The following PDE3A variants were observed in gnomAD, a reference collection of about 807,000 sequenced individuals.
The protein encoded by PDE3A is phosphodiesterase 3A.
In PDE3A, 43 loss-of-function variants were observed where a neutral mutation model predicts 98.3. That is an observed-to-expected ratio of 0.44 (90% CI 0.34 to 0.56). The LOEUF (loss-of-function observed/expected upper bound fraction) is 0.56. Among genes scored for constraint, PDE3A ranks in the 20% least tolerant of loss-of-function variants. The pLI is 0.01. For missense variants in PDE3A, 1,427 were observed against 1,440.7 expected, an observed-to-expected ratio of 0.99 and a Z score of 0.15; for synonymous variants, 663 against 567.9, an observed-to-expected ratio of 1.17 and a Z score of -2.38.
intron 1 of PDE3A, among the ~76,000 whole-genome samples, chr12:20,490,554 C>G (rs1945809587): frequency 6.6e-6 from 1 of 152,122 alleles, no homozygotes; most frequent in African/African-American, 2.4e-5. Context: ...AATCATGAGG[C>G]TGAGGTGCAA....
At chr12:20,446,666 A>G (rs1944960210) in intron 1 of PDE3A, among the ~76,000 whole-genome samples, 1 of 152,178 alleles carries the variant, frequency 6.6e-6, no homozygotes, top group Non-Finnish European at 1.5e-5. Context: ...AATTCCAGTT[A>G]ACAATAGGTA....
chr12:20,376,656 G>A (rs1003057860), intron 1 of PDE3A, among the ~76,000 whole-genome samples: 2 of 151,742 alleles, frequency 1.3e-5, no homozygotes, highest in African/African-American at 4.8e-5. Context: ...GTTTATTTTT[G>A]TATGTTCAGG....
intron 10 of PDE3A, among the ~76,000 whole-genome samples, chr12:20,645,421 C>T (rs1215488673): frequency 6.6e-6 from 1 of 152,126 alleles, no homozygotes; most frequent in African/African-American, 2.4e-5. Context: ...CTCATATTCT[C>T]ATTGTCATTC....
At chr12:20,493,358 C>G (rs1031697250) in intron 1 of PDE3A, among the ~76,000 whole-genome samples, 2 of 151,872 alleles carry the variant, frequency 1.3e-5, no homozygotes, top group South Asian at 4.2e-4. Flanking sequence ...AATAACAGTA[C>G]AACAATAAAA....
intron 2 of PDE3A, among the ~76,000 whole-genome samples, chr12:20,607,509 T>C (rs1217927423): frequency 6.6e-6 from 1 of 152,042 alleles, no homozygotes; most frequent in Non-Finnish European, 1.5e-5. Context: ...TATCAGTTAT[T>C]TTTGGCTTGA....
At position 20,680,292 on chromosome 12, in the gene PDE3A, G is replaced by A; in HGVS notation, c.*21G>A. The A allele has an allele frequency of 3.1e-6, 5 of 1,611,512 alleles. No individual in the cohort carries two copies. The highest frequency in any genetic ancestry group is 2.2e-5 in the South Asian group (2 of 90,798). On this transcript the variant is annotated 3_prime_UTR_variant, in exon 16 of 16. Transcript: ENST00000359062. ...AGTGACAATGGATAGAATGGGCTGT[G>A]TTTCCAAACAGATTGACTTGTCAAA...
chr12:20,550,546 G>A (rs1403425368), intron 1 of PDE3A, among the ~76,000 whole-genome samples: 1 of 151,922 alleles, frequency 6.6e-6, no homozygotes, highest in Non-Finnish European at 1.5e-5. Context: ...TTTTTGAGAT[G>A]ATATAATGCC....
chr12:20,526,260 G>A (rs1435195284), intron 1 of PDE3A, among the ~76,000 whole-genome samples: 1 of 151,988 alleles, frequency 6.6e-6, no homozygotes, highest in Non-Finnish European at 1.5e-5. Flanking sequence ...TTATTTTCAA[G>A]TTGACTTCTA....
intron 1 of PDE3A, among the ~76,000 whole-genome samples, chr12:20,413,866 G>A (rs1944376132): frequency 6.6e-6 from 1 of 152,276 alleles, no homozygotes; most frequent in Non-Finnish European, 1.5e-5. Context: ...TTTGACCAGT[G>A]TGATGGTACG....
At chr12:20,377,564 C>G (rs1943594542) in intron 1 of PDE3A, among the ~76,000 whole-genome samples, 2 of 151,612 alleles carry the variant, frequency 1.3e-5, no homozygotes, top group Admixed American at 1.3e-4. Context: ...ATTTGAGATA[C>G]TAATGTCACC....
Position 20,552,495 on chromosome 12 carries a change from G to C in PDE3A, c.961-4165G>C, listed in dbSNP as rs1490780065. On this transcript the variant is annotated intron_variant, in intron 1 of 15. Coordinates refer to ENST00000359062, the MANE Select transcript of PDE3A (RefSeq NM_000921.5). The surrounding 1 kb of genome is among the most constrained non-coding windows in gnomAD (Gnocchi z 5.1). ...CCCTGGCCAACCGAGAGCGAGAGAA[G>C]GAGAACAGCAAGAGGGAGGAGGAGG... 6.2e-7 allele frequency: 1 copy of C among 1,613,066 alleles called. No homozygotes were observed. The highest frequency in any genetic ancestry group is 1.3e-5 in the African/African-American group (1 of 74,890).
intron 1 of PDE3A, among the ~76,000 whole-genome samples, chr12:20,389,755 A>G (rs1943879915): frequency 6.6e-6 from 1 of 151,948 alleles, no homozygotes; most frequent in Admixed American, 6.6e-5. Flanking sequence ...TGCCCTCCAG[A>G]AAGGTCATAG....
At chr12:20,558,588 A>G (rs1204258588) in intron 2 of PDE3A, among the ~76,000 whole-genome samples, 1 of 151,844 alleles carries the variant, frequency 6.6e-6, no homozygotes, top group Non-Finnish European at 1.5e-5. Context: ...CATAGCAAAA[A>G]ACATTAAAAA....
chr12:20,665,459 G>A (rs952488780), intron 15 of PDE3A, among the ~76,000 whole-genome samples: 8 of 152,142 alleles, frequency 5.3e-5, no homozygotes, highest in African/African-American at 1.2e-4. Context: ...CAAAGAAAAT[G>A]TAATGTATTT....
intron 1 of PDE3A, among the ~76,000 whole-genome samples, chr12:20,496,475 T>A (rs533806253): frequency 6.6e-6 from 1 of 151,906 alleles, no homozygotes; most frequent in African/African-American, 2.4e-5. Context: ...ACGTGACAGC[T>A]CTGATTCCTG....
chr12:20,481,334 G>T (rs767854043), intron 1 of PDE3A, among the ~76,000 whole-genome samples: 2 of 152,114 alleles, frequency 1.3e-5, no homozygotes, highest in Non-Finnish European at 2.9e-5. Context: ...TAGAAAGATT[G>T]GTGAATGAAT....
chr12:20,386,100 A>AATATATATAAATAT (rs1943775117), intron 1 of PDE3A, among the ~76,000 whole-genome samples: 1 of 17,164 alleles, frequency 5.8e-5, no homozygotes, highest in East Asian at 2.7e-3. Flanking sequence ...AATATATATA[A>AATATATATAAATAT]ATATATATAT....
At chr12:20,526,453 T>A (rs951090908) in intron 1 of PDE3A, among the ~76,000 whole-genome samples, 3 of 152,156 alleles carry the variant, frequency 2.0e-5, no homozygotes, top group Admixed American at 6.5e-5. Context: ...TTAAATCAAA[T>A]TTTTTTAAAA....
chr12:20,414,046 A>T (rs962545691), intron 1 of PDE3A, among the ~76,000 whole-genome samples: 1 of 152,242 alleles, frequency 6.6e-6, no homozygotes, highest in African/African-American at 2.4e-5. Context: ...ACAGAATGTG[A>T]TTCCTGAGAT....
Sources: gnomAD v4.1 joint callset for allele counts (sites outside exome capture counted in the v4.1 genomes callset) on GRCh38, gnomAD v4.1.1 for gene constraint, Gnocchi (gnomAD v3.1) non-coding constraint, MANE v1.5 for transcripts, NCBI Gene and HGNC (gene_info 2026-07-23, HGNC 2026-07-21) for gene names.